Variants in QTMAN observed in about 807,000 individuals in gnomAD.
QTMAN encodes the protein tRNA-queuosine alpha-mannosyltransferase.
the QTMAN span, among the ~76,000 whole-genome samples, chr2:144,255,143 G>A: frequency 6.6e-6 from 1 of 152,184 alleles, no homozygotes; most frequent in Admixed American, 6.5e-5. Context: ...AGGCATGATT[G>A]TGTTTTGAAA....
At chr2:144,044,363 T>C in the QTMAN span, among the ~76,000 whole-genome samples, 1 of 152,240 alleles carries the variant, frequency 6.6e-6, no homozygotes, top group South Asian at 2.1e-4. Context: ...ACTTTTTTTT[T>C]CAGTTGGCTC....
the QTMAN span, among the ~76,000 whole-genome samples, chr2:144,329,440 A>T: frequency 1.9e-4 from 29 of 152,368 alleles, no homozygotes; most frequent in South Asian, 5.0e-3. Flanking sequence ...AAGTAAAGTT[A>T]CGTTCCTTAT....
the QTMAN span, among the ~76,000 whole-genome samples, chr2:144,328,078 G>A: frequency 1.2e-4 from 19 of 152,054 alleles, no homozygotes; most frequent in Non-Finnish European, 1.9e-4. Flanking sequence ...CAGCCTCCGA[G>A]TAGCTGGGAA....
chr2:144,088,081 T>C, the QTMAN span, among the ~76,000 whole-genome samples: 1 of 152,066 alleles, frequency 6.6e-6, no homozygotes, highest in Admixed American at 6.6e-5. Flanking sequence ...AAACCTCTAT[T>C]AGATAAATGA....
chr2:144,066,009 G>T, the QTMAN span, among the ~76,000 whole-genome samples: 1 of 152,104 alleles, frequency 6.6e-6, no homozygotes, highest in African/African-American at 2.4e-5. Flanking sequence ...CAAGTTTAAA[G>T]TTAGGGGAGG....
the QTMAN span, among the ~76,000 whole-genome samples, chr2:144,206,568 T>C: frequency 1.3e-5 from 2 of 152,208 alleles, no homozygotes; most frequent in Non-Finnish European, 2.9e-5. Flanking sequence ...TAGATTAGTA[T>C]AGTTAACTGC....
At chr2:144,134,964 A>G in the QTMAN span, among the ~76,000 whole-genome samples, 1 of 152,174 alleles carries the variant, frequency 6.6e-6, no homozygotes, top group South Asian at 2.1e-4. Context: ...CAATTGATAA[A>G]TATATACAAA....
At chr2:144,182,875 A>ATATATATATTT in the QTMAN span, among the ~76,000 whole-genome samples, 2 of 75,304 alleles carry the variant, frequency 2.7e-5, no homozygotes, top group Non-Finnish European at 4.6e-5. Context: ...TATATATATT[A>ATATATATATTT]TATATATATT....
chr2:144,220,439 G>A, the QTMAN span, among the ~76,000 whole-genome samples: 1 of 152,314 alleles, frequency 6.6e-6, no homozygotes, highest in Non-Finnish European at 1.5e-5. Flanking sequence ...CAAGCACTGT[G>A]ACTTTTATCT....
chr2:143,944,036 TAAAA>T, the QTMAN span: 1 of 151,142 alleles, frequency 6.6e-6, no homozygotes, highest in African/African-American at 2.4e-5. Context: ...AATCGAGTGT[TAAAA>T]AAAAAGAGGA....
At chr2:143,985,167 G>A in the QTMAN span, among the ~76,000 whole-genome samples, 3 of 152,198 alleles carry the variant, frequency 2.0e-5, no homozygotes, top group African/African-American at 4.8e-5. Context: ...AACAGAGCCT[G>A]ACTCCCCAAG....
chr2:144,269,242 A>C, the QTMAN span, among the ~76,000 whole-genome samples: 3 of 152,210 alleles, frequency 2.0e-5, no homozygotes, highest in Non-Finnish European at 4.4e-5. Context: ...ATATAATCCC[A>C]AAAAATCATT....
At chr2:144,074,939 T>C in the QTMAN span, among the ~76,000 whole-genome samples, 1 of 152,338 alleles carries the variant, frequency 6.6e-6, no homozygotes, top group East Asian at 1.9e-4. Flanking sequence ...AGTTTCCTCC[T>C]TGAAGTACAG....
the QTMAN span, among the ~76,000 whole-genome samples, chr2:144,199,088 C>T: frequency 2.0e-5 from 3 of 149,820 alleles, no homozygotes; most frequent in Non-Finnish European, 4.4e-5. Context: ...ACTCTTGTTG[C>T]GCAGGCTAGA....
chr2:144,285,509 C>G, the QTMAN span, among the ~76,000 whole-genome samples: 1 of 152,180 alleles, frequency 6.6e-6, no homozygotes, highest in African/African-American at 2.4e-5. Context: ...AACTGTCCCT[C>G]TGTCACACAG....
At chr2:144,186,286 T>C in the QTMAN span, among the ~76,000 whole-genome samples, 1 of 152,162 alleles carries the variant, frequency 6.6e-6, no homozygotes, top group Non-Finnish European at 1.5e-5. Flanking sequence ...ATTAGTTACA[T>C]CATGCCCTGT....
the QTMAN span, among the ~76,000 whole-genome samples, chr2:144,256,933 G>A: frequency 6.6e-6 from 1 of 151,746 alleles, no homozygotes; most frequent in Non-Finnish European, 1.5e-5. Flanking sequence ...AATATTAAAT[G>A]AGCTTAATAC....
At chr2:144,145,646 C>T in the QTMAN span, 2 of 1,611,316 alleles carry the variant, frequency 1.2e-6, no homozygotes, top group Non-Finnish European at 1.7e-6. Context: ...TCAACTGGTT[C>T]TCGTGAAAAT....
At chr2:143,939,585 A>T in the QTMAN span, 13 of 152,280 alleles carry the variant, frequency 8.5e-5, no homozygotes, top group South Asian at 4.2e-4. Flanking sequence ...TTACAGTTAA[A>T]TTTATAGAAA....
Sources: allele counts gnomAD v4.1 joint callset (sites outside exome capture counted in the v4.1 genomes callset), GRCh38; gene constraint gnomAD v4.1.1; transcripts MANE v1.5; gene names NCBI Gene and HGNC (gene_info 2026-07-23, HGNC 2026-07-21).